Variants in IGF1 observed in about 807,000 individuals in gnomAD.
IGF1 encodes insulin like growth factor 1, also known as insulin-like growth factor 1.
A neutral mutation model predicts 13.8 loss-of-function variants in IGF1; 4 were observed. The observed-to-expected ratio is 0.29, with a 90% CI of 0.14 to 0.66. The LOEUF is 0.66. Among genes scored for constraint, IGF1 ranks in the 30% least tolerant of loss-of-function variants. IGF1 has a pLI of 0.78. For synonymous variants in IGF1, 76 were observed against 72.6 expected, an observed-to-expected ratio of 1.05 and a Z score of -0.23; for missense variants, 124 against 188.5, an observed-to-expected ratio of 0.66 and a Z score of 2.00.
chr12:102,410,438 G>A (rs1874539302), intron 3 of IGF1, among the ~76,000 whole-genome samples: 1 of 152,202 alleles, frequency 6.6e-6, no homozygotes, highest in Admixed American at 6.5e-5. Flanking sequence ...AGGTTCAAAT[G>A]TGGTATTTTA....
chr12:102,465,116 G>A (rs1880209547), intron 2 of IGF1, among the ~76,000 whole-genome samples: 1 of 152,202 alleles, frequency 6.6e-6, no homozygotes, highest in African/African-American at 2.4e-5. Context: ...ATGTGAACAG[G>A]AGGCAGCAAC....
intron 2 of IGF1, among the ~76,000 whole-genome samples, chr12:102,428,139 C>A (rs2137034915): frequency 6.7e-6 from 1 of 150,062 alleles, no homozygotes; most frequent in Admixed American, 6.7e-5. Flanking sequence ...CTCATGTAAA[C>A]AACCAAATGT....
intron 3 of IGF1, among the ~76,000 whole-genome samples, chr12:102,418,878 A>G (rs960548889): frequency 9.2e-5 from 14 of 152,246 alleles, no homozygotes; most frequent in African/African-American, 3.4e-4. Flanking sequence ...AGGCATTCTT[A>G]TAGCCAAACA....
intron 2 of IGF1, among the ~76,000 whole-genome samples, chr12:102,444,279 C>T (rs906936218): frequency 6.6e-6 from 1 of 151,582 alleles, no homozygotes; most frequent in Non-Finnish European, 1.5e-5. Flanking sequence ...CAGTTTTGTC[C>T]AGGGCAGTTC....
chr12:102,435,966 G>A (rs993889745), intron 2 of IGF1, among the ~76,000 whole-genome samples: 2 of 152,182 alleles, frequency 1.3e-5, no homozygotes, highest in African/African-American at 4.8e-5. Context: ...ATACGATCAC[G>A]TCCTGTGGCA....
intron 2 of IGF1, among the ~76,000 whole-genome samples, chr12:102,473,612 T>G (rs1880823729): frequency 6.6e-6 from 1 of 152,194 alleles, no homozygotes; most frequent in Admixed American, 6.5e-5. Context: ...CAAGAACATA[T>G]GATTTACAAA....
At chr12:102,475,946 A>G in intron 1 of IGF1, 147 bp from the exon 2 acceptor site, 1 of 830,120 alleles carries the variant, frequency 1.2e-6, no homozygotes, top group South Asian at 1.5e-5. Flanking sequence ...GTACATGAGA[A>G]CCCAGAGGGA....
intron 3 of IGF1, among the ~76,000 whole-genome samples, chr12:102,409,714 C>CAAG (rs1026260386): frequency 6.6e-6 from 1 of 151,950 alleles, no homozygotes; most frequent in Non-Finnish European, 1.5e-5. Flanking sequence ...AAGACGTTGG[C>CAAG]AAGACACTTA....
At position 102,399,159 on chromosome 12, in the gene IGF1, G is replaced by A. The variant is rs1389655634; in HGVS notation, c.*3348C>T. The A allele has an allele frequency of 1.3e-5, 2 of 151,150 alleles. No individual in the cohort carries two copies. Among genetic ancestry groups the A allele is most frequent in the African/African-American group, 4.9e-5 (2 of 40,892 alleles). The allele number at this position is 151,150 out of a possible 1,614,324, so 9.4% of individuals were successfully genotyped here. A position where few individuals can be genotyped will look rare whatever the true frequency, so the allele number is the denominator to read the frequency against. ...TGTGTGTGTGTGTCTGTGTATGTAG[G>A]GTGGGTGTTAAGAGATTTTCATATC... On this transcript the variant is annotated 3_prime_UTR_variant, in exon 4 of 4. Transcript: ENST00000337514.
At chr12:102,449,401 G>A (rs1348378337) in intron 2 of IGF1, among the ~76,000 whole-genome samples, 1 of 151,808 alleles carries the variant, frequency 6.6e-6, no homozygotes. Context: ...GTCGGGGGGT[G>A]GGGGCAAGGG....
intron 2 of IGF1, among the ~76,000 whole-genome samples, chr12:102,452,586 G>T (rs1260265229): frequency 1.3e-5 from 2 of 152,184 alleles, no homozygotes; most frequent in Non-Finnish European, 2.9e-5. Context: ...CAAAACTGTA[G>T]GCCATTCAGC....
intron 3 of IGF1, among the ~76,000 whole-genome samples, chr12:102,409,252 G>A (rs1373040429): frequency 1.3e-5 from 2 of 152,126 alleles, no homozygotes; most frequent in Admixed American, 1.3e-4. Flanking sequence ...GTCTGTTCTG[G>A]CTTGTGTGCT....
intron 2 of IGF1, among the ~76,000 whole-genome samples, chr12:102,460,538 A>G (rs1245044428): frequency 3.3e-5 from 5 of 152,196 alleles, no homozygotes; most frequent in Non-Finnish European, 5.9e-5. Flanking sequence ...TGATTCTACA[A>G]TTAAATTGGG....
At chr12:102,417,937 G>C (rs780092226) in intron 3 of IGF1, 1 of 1,613,512 alleles carries the variant, frequency 6.2e-7, no homozygotes, top group East Asian at 2.2e-5. Flanking sequence ...TCCCCTCCTG[G>C]ATGTGTCTTT....
At chr12:102,446,179 T>G (rs1175940673) in intron 2 of IGF1, among the ~76,000 whole-genome samples, 1 of 152,164 alleles carries the variant, frequency 6.6e-6, no homozygotes, top group African/African-American at 2.4e-5. Context: ...TGGCCTTAAA[T>G]TTTCTTTTTT....
intron 2 of IGF1, among the ~76,000 whole-genome samples, chr12:102,439,410 C>T (rs1565983009): frequency 6.6e-6 from 1 of 152,024 alleles, no homozygotes; most frequent in Non-Finnish European, 1.5e-5. Context: ...TTAAGGAGAC[C>T]TTTAACAATT....
intron 3 of IGF1, among the ~76,000 whole-genome samples, chr12:102,407,657 T>C (rs1208011278): frequency 2.0e-5 from 3 of 152,196 alleles, no homozygotes; most frequent in African/African-American, 7.2e-5. Context: ...TCCAAATCAC[T>C]TTCCAATAGC....
At chr12:102,463,059 G>A (rs1472021767) in intron 2 of IGF1, 1 of 152,176 alleles carries the variant, frequency 6.6e-6, no homozygotes, top group African/African-American at 2.4e-5. Context: ...TAAAGTCGCA[G>A]CTGAAATTTG....
At chr12:102,423,729 AGG>A (rs1480224738) in intron 2 of IGF1, among the ~76,000 whole-genome samples, 1 of 152,178 alleles carries the variant, frequency 6.6e-6, no homozygotes, top group Non-Finnish European at 1.5e-5. Context: ...GCTAGTTACA[AGG>A]GTTTTGGGCA....
Sources: gnomAD v4.1 joint callset for allele counts (sites outside exome capture counted in the v4.1 genomes callset) on GRCh38, gnomAD v4.1.1 for gene constraint, MANE v1.5 for transcripts, NCBI Gene and HGNC (gene_info 2026-07-23, HGNC 2026-07-21) for gene names.